LUC7L2: variants seen among roughly 807,000 people sequenced by gnomAD.
LUC7L2 encodes the protein LUC7 like 2, pre-mRNA splicing factor.
In LUC7L2, 25 loss-of-function variants were observed where a neutral mutation model predicts 52.8. The observed-to-expected ratio is 0.47, with a 90% CI of 0.34 to 0.66. The LOEUF (loss-of-function observed/expected upper bound fraction) is 0.66, where lower values mean the gene tolerates loss of function less well. Among genes scored for constraint, LUC7L2 ranks in the 30% least tolerant of loss-of-function variants. LUC7L2 has a pLI of 0.01. For synonymous variants in LUC7L2, 144 were observed against 160.9 expected (o/e 0.89, Z 0.80); for missense variants, 328 against 497.8 (o/e 0.66, Z 3.25).
chr7:139,409,518 G>T, intron 6 of LUC7L2, 45 bp from the exon 7 acceptor site: 1 of 1,564,502 alleles, frequency 6.4e-7, no homozygotes, highest in Admixed American at 1.9e-5. Context: ...AGCTGTTTAA[G>T]AATGGACTCA....
chr7:139,380,651 A>G (rs1388681987), intron 2 of LUC7L2, among the ~76,000 whole-genome samples: 1 of 152,152 alleles, frequency 6.6e-6, no homozygotes, highest in Non-Finnish European at 1.5e-5. Context: ...TTCTTCTAGA[A>G]TATATTCATA....
intron 8 of LUC7L2, among the ~76,000 whole-genome samples, chr7:139,414,658 C>T (rs912611487): frequency 7.2e-5 from 11 of 152,236 alleles, no homozygotes; most frequent in Non-Finnish European, 1.3e-4. Context: ...TTGCTCACTT[C>T]ATTCCAGCCA....
At chr7:139,410,035 G>A (rs1027147905) in intron 7 of LUC7L2, among the ~76,000 whole-genome samples, 3 of 152,010 alleles carry the variant, frequency 2.0e-5, no homozygotes, top group Non-Finnish European at 4.4e-5. Flanking sequence ...GTGAAACCCC[G>A]ACTCTACTAA....
At chr7:139,375,527 G>C in intron 1 of LUC7L2, 1 of 985,620 alleles carries the variant, frequency 1.0e-6, no homozygotes, top group Non-Finnish European at 1.2e-6. Flanking sequence ...AGACACTTCA[G>C]CTGGAACAAA....
intron 2 of LUC7L2, among the ~76,000 whole-genome samples, chr7:139,388,940 A>G (rs760211478): frequency 1.3e-5 from 2 of 152,138 alleles, no homozygotes; most frequent in Non-Finnish European, 2.9e-5. Flanking sequence ...CTCTGCTGCC[A>G]TTAGCTTATG....
rs779013466 is a variant in LUC7L2 at position 139,407,000 on chromosome 7, G to GTTTTTTTTTTTTTTTTTT, written c.511-174_511-173insTTTTTTTTTTTTTTTTTT. Among the ~76,000 whole-genome samples the GTTTTTTTTTTTTTTTTTT allele has an allele frequency of 1.4e-4, 16 of 111,612 alleles. 5 individuals carry two copies. The highest frequency in any genetic ancestry group is 1.7e-4 in the Non-Finnish European group (10 of 57,972). 73.2% of individuals were successfully genotyped at this position (111,612 alleles called of 152,430 possible). ...CATAACAAAATAGCCATGCTTTTGT[G>GTTTTTTTTTTTTTTTTTT]GTTTTTTTTTTTTTTTTTTTTTGAG... is the stretch of plus-strand genomic sequence containing the variant. On this transcript the variant is annotated intron_variant, in intron 5 of 9. Transcript: ENST00000354926.
At chr7:139,361,568 TA>T (rs1799886946) in intron 1 of LUC7L2, among the ~76,000 whole-genome samples, 1 of 152,226 alleles carries the variant, frequency 6.6e-6, no homozygotes, top group African/African-American at 2.4e-5. Context: ...TTGTAGAATA[TA>T]TAGACAAATA....
Position 139,363,976 on chromosome 7 carries a change from CTTTTTT to C in LUC7L2, c.61+3676_61+3681del, listed in dbSNP as rs1169793101. Among the ~76,000 whole-genome samples, 391 of 96,088 alleles carry C rather than the reference CTTTTTT, an allele frequency of 4.1e-3. 2 individuals carry two copies. Among genetic ancestry groups the C allele is most frequent in the African/African-American group, 0.016 (271 of 17,266 alleles). The allele number at this position is 96,088 out of a possible 152,430, so 63.0% of individuals were successfully genotyped here. A position where few individuals can be genotyped will look rare whatever the true frequency, so the allele number is the denominator to read the frequency against. On this transcript the variant is annotated intron_variant, in intron 1 of 9. Coordinates refer to ENST00000354926, the MANE Select transcript of LUC7L2 (RefSeq NM_016019.5). Reference sequence around the variant, plus strand: ...TGAGGGTGTGGATTTAGATTACATCCTTTTTTTTTTTTTTTTTTTTTTTTTTTGAGA... The same window carrying C: ...TGAGGGTGTGGATTTAGATTACATCCTTTTTTTTTTTTTTTTTTTTTGAGA...
rs1569391364 is a variant in LUC7L2, at chr7:139,407,343, A to T, written c.680A>T (p.Glu227Val). 6.2e-7 allele frequency: 1 copy of T among 1,607,374 alleles called. No individual in the cohort carries two copies. The highest frequency in any genetic ancestry group is 8.5e-7 in the Non-Finnish European group (1 of 1,176,632). Residue 227 changes from glutamate to valine, a missense_variant, in exon 6 of 10, where the codon GAA becomes GTA. By Grantham distance (121) the Glu-to-Val change is moderately radical (BLOSUM62 -2). Transcript: ENST00000354926. ...ATTGAAATAAGAGAGAAGCTTGAAG[A>T]ATTAAAGGTACATTGGTAAAATATT... ...GFIEIREKLE[E>V]LKRVVAEKQE... is the part of the protein sequence containing the mutation.
chr7:139,343,780 C>A (rs1192120560), intron 1 of LUC7L2, among the ~76,000 whole-genome samples: 1 of 151,728 alleles, frequency 6.6e-6, no homozygotes, highest in Non-Finnish European at 1.5e-5. Context: ...ATAAAAAATA[C>A]AAAAATTAGC....
chr7:139,394,492 TG>T (rs779640723), intron 2 of LUC7L2, among the ~76,000 whole-genome samples: 1 of 152,344 alleles, frequency 6.6e-6, no homozygotes, highest in Non-Finnish European at 1.5e-5. Context: ...TGGTTGGTTG[TG>T]TGATGTAACT....
At chr7:139,341,719 G>C (rs6965212) in intron 1 of LUC7L2, among the ~76,000 whole-genome samples, 4 of 151,724 alleles carry the variant, frequency 2.6e-5, no homozygotes, top group South Asian at 2.1e-4. Flanking sequence ...GGACCAGCGG[G>C]GGGGGGCGCA....
intron 2 of LUC7L2, among the ~76,000 whole-genome samples, chr7:139,381,500 C>T (rs1292600053): frequency 1.3e-5 from 2 of 151,886 alleles, no homozygotes; most frequent in Non-Finnish European, 2.9e-5. Flanking sequence ...ACCTCTGCCT[C>T]CTGGGATCAA....
chr7:139,356,429 G>C (rs1799609069), upstream of LUC7L2, among the ~76,000 whole-genome samples: 2 of 151,438 alleles, frequency 1.3e-5, no homozygotes. Context: ...AAACAAAATG[G>C]GAGCGTTCCC....
At chr7:139,359,035 G>C (rs1799717555), upstream of LUC7L2, 1 of 152,218 alleles carries the variant, frequency 6.6e-6, no homozygotes, top group Admixed American at 6.5e-5. Flanking sequence ...AAGGCTCAGG[G>C]CTAAGTATTT....
At chr7:139,371,587 T>TA in intron 1 of LUC7L2, 1 of 1,205,682 alleles carries the variant, frequency 8.3e-7, no homozygotes, top group Non-Finnish European at 1.2e-6. Context: ...ATTGGGAAGA[T>TA]AGCATGCAAA....
chr7:139,416,087 A>ATG (rs1168216874), intron 8 of LUC7L2: 8 of 128,304 alleles, frequency 6.2e-5, no homozygotes, highest in Non-Finnish European at 1.2e-4. Context: ...ATATATATAT[A>ATG]TATGATTTAC....
At chr7:139,340,644 G>A (rs1798890460) in intron 1 of LUC7L2, 1 of 396,560 alleles carries the variant, frequency 2.5e-6, no homozygotes, top group African/African-American at 2.1e-5. Context: ...AAGTGACGAT[G>A]ACGTACCAAA....
At chr7:139,414,919 C>T (rs141792930) in intron 8 of LUC7L2, among the ~76,000 whole-genome samples, 3,125 of 152,162 alleles carry the variant, frequency 0.021, 52 homozygotes, top group Middle Eastern at 0.031. Flanking sequence ...CGGAGTCTTG[C>T]TCTGTTGCCC....
Sources: allele counts gnomAD v4.1 joint callset (sites outside exome capture counted in the v4.1 genomes callset), GRCh38; gene constraint gnomAD v4.1.1; transcripts MANE v1.5; gene names NCBI Gene and HGNC (gene_info 2026-07-23, HGNC 2026-07-21).